The following SMCO2 variants were observed in gnomAD, a reference collection of about 807,000 sequenced individuals.
SMCO2 encodes the protein single-pass membrane and coiled-coil domain-containing protein 2.
In SMCO2, 25 loss-of-function variants were observed where a neutral mutation model predicts 29.5. The observed-to-expected ratio is 0.85, with a 90% confidence interval of 0.62 to 1.18. The LOEUF is 1.18. Ranked by LOEUF, SMCO2 falls within the 50% of genes most tolerant of loss-of-function variation. The pLI, the probability that SMCO2 is intolerant of heterozygous loss-of-function variation, is 0.00. For synonymous variants in SMCO2, 117 were observed against 123.3 expected (o/e 0.95, Z 0.34); for missense variants, 348 against 344.5 (o/e 1.01, Z -0.08).
At chr12:27,471,900 T>C (rs1464946090) in intron 2 of SMCO2, among the ~76,000 whole-genome samples, 1 of 152,228 alleles carries the variant, frequency 6.6e-6, no homozygotes, top group African/African-American at 2.4e-5. Flanking sequence ...AGAATATACA[T>C]ATCTATTGAC....
At chr12:27,448,243 A>G in the SMCO2 span, among the ~76,000 whole-genome samples, 2 of 152,326 alleles carry the variant, frequency 1.3e-5, no homozygotes, top group Admixed American at 6.5e-5. Context: ...TGAGAATATT[A>G]TCAAGTACCC....
chr12:27,441,213 CG>C, the SMCO2 span, among the ~76,000 whole-genome samples: 94 of 152,132 alleles, frequency 6.2e-4, no homozygotes, highest in South Asian at 0.019. Context: ...GAGCCATGGT[CG>C]TGCCACTGCA....
At chr12:27,490,184 A>G (rs1949723853) in intron 5 of SMCO2, among the ~76,000 whole-genome samples, 1 of 152,236 alleles carries the variant, frequency 6.6e-6, no homozygotes, top group African/African-American at 2.4e-5. Flanking sequence ...AATAAAAAGG[A>G]ACAAACTTCT....
chr12:27,466,231 G>A (rs541676141), upstream of SMCO2, among the ~76,000 whole-genome samples: 13 of 152,094 alleles, frequency 8.5e-5, no homozygotes, highest in African/African-American at 2.9e-4. Flanking sequence ...AGACCAGCCC[G>A]GCCAACATGG....
At chr12:27,453,464 A>C in the SMCO2 span, among the ~76,000 whole-genome samples, 1 of 152,224 alleles carries the variant, frequency 6.6e-6, no homozygotes, top group Non-Finnish European at 1.5e-5. Context: ...TTCTCTGAAA[A>C]ACTGTCACAT....
chr12:27,462,124 G>A (rs1949463370), upstream of SMCO2, among the ~76,000 whole-genome samples: 1 of 152,188 alleles, frequency 6.6e-6, no homozygotes, highest in African/African-American at 2.4e-5. Context: ...TTACCACCAC[G>A]TAAGGGGATT....
the SMCO2 span, among the ~76,000 whole-genome samples, chr12:27,451,610 G>A: frequency 2.8e-4 from 42 of 152,278 alleles, no homozygotes; most frequent in Non-Finnish European, 4.7e-4. Flanking sequence ...GCTTAGGAAC[G>A]CTGGACAGTG....
the SMCO2 span, chr12:27,424,824 T>A: frequency 2.0e-5 from 3 of 152,260 alleles, no homozygotes; most frequent in Non-Finnish European, 4.4e-5. Flanking sequence ...TTTCTGTTTT[T>A]GTAATGCTTT....
intron 1 of SMCO2, among the ~76,000 whole-genome samples, chr12:27,470,104 A>G (rs1949528651): frequency 1.3e-5 from 2 of 152,232 alleles, no homozygotes; most frequent in African/African-American, 2.4e-5. Context: ...GAAATAACCT[A>G]GTTGTCAACA....
At chr12:27,435,902 C>T in the SMCO2 span, among the ~76,000 whole-genome samples, 8 of 152,286 alleles carry the variant, frequency 5.3e-5, no homozygotes, top group Admixed American at 5.2e-4. Context: ...TATCTTAGTC[C>T]ATTTGGGCTG....
the SMCO2 span, among the ~76,000 whole-genome samples, chr12:27,428,200 C>T: frequency 6.6e-6 from 1 of 152,174 alleles, no homozygotes; most frequent in African/African-American, 2.4e-5. Flanking sequence ...GTTAGTTTTA[C>T]AAAGGCAGTC....
chr12:27,496,348 G>A (rs1006896117), intron 7 of SMCO2, among the ~76,000 whole-genome samples: 2 of 150,472 alleles, frequency 1.3e-5, no homozygotes, highest in East Asian at 1.9e-4. Flanking sequence ...ATTTGTCTAT[G>A]TATAGAGAGA....
chr12:27,482,313 G>C (rs1949651936), intron 4 of SMCO2, among the ~76,000 whole-genome samples: 1 of 151,926 alleles, frequency 6.6e-6, no homozygotes, highest in Non-Finnish European at 1.5e-5. Flanking sequence ...TTTATATTTT[G>C]AGATGGAGTC....
At chr12:27,430,638 C>T in the SMCO2 span, among the ~76,000 whole-genome samples, 1 of 152,140 alleles carries the variant, frequency 6.6e-6, no homozygotes, top group African/African-American at 2.4e-5. Context: ...AATCTGAATT[C>T]TCTTGCGTTG....
At chr12:27,484,882 A>G (rs201976182) in intron 4 of SMCO2, among the ~76,000 whole-genome samples, 15,998 of 144,136 alleles carry the variant, frequency 0.11, 2,177 homozygotes, top group African/African-American at 0.28. Context: ...ATATATATAT[A>G]TATATATATA....
chr12:27,497,827 T>C lies in SMCO2; in HGVS notation c.683+1972T>C, dbSNP rs1943029629. 3 of 236,844 alleles carry C rather than the reference T, an allele frequency of 1.3e-5. No homozygotes were observed. The Admixed American group carries it at 1.5e-4, about 12-fold the overall frequency. The allele number at this position is 236,844 out of a possible 1,614,324, so 14.7% of individuals were successfully genotyped here. A position where few individuals can be genotyped will look rare whatever the true frequency, so the allele number is the denominator to read the frequency against. ...AAACTATTTGAGGAGAAAGAAGATA[T>C]GGTTATCTCTGGGTGAACAGTGGAC... On this transcript the variant is annotated intron_variant, in intron 7 of 7. Coordinates refer to ENST00000298876, the Ensembl canonical transcript of SMCO2.
the SMCO2 span, among the ~76,000 whole-genome samples, chr12:27,461,303 G>A: frequency 5.9e-5 from 9 of 151,874 alleles, no homozygotes; most frequent in East Asian, 1.9e-4. Context: ...GGTTTGTTAC[G>A]CAGGTAAATT....
upstream of SMCO2, among the ~76,000 whole-genome samples, chr12:27,464,864 A>C (rs1949485654): frequency 6.7e-6 from 1 of 149,098 alleles, no homozygotes; most frequent in Non-Finnish European, 1.5e-5. Context: ...TACTAAAAAC[A>C]CACACACAAA....
At chr12:27,453,332 AG>A in the SMCO2 span, among the ~76,000 whole-genome samples, 3 of 152,176 alleles carry the variant, frequency 2.0e-5, no homozygotes, top group African/African-American at 7.2e-5. Context: ...CTGAGATAAA[AG>A]CTGCTGCCCC....
Sources: gnomAD v4.1 joint callset for allele counts (sites outside exome capture counted in the v4.1 genomes callset) on GRCh38, gnomAD v4.1.1 for gene constraint, MANE v1.5 for transcripts, NCBI Gene and HGNC (gene_info 2026-07-23, HGNC 2026-07-21) for gene names.